Variants in TRIM36 observed in about 807,000 individuals in gnomAD.
TRIM36 encodes tripartite motif containing 36.
A neutral mutation model predicts 72.4 loss-of-function variants in TRIM36; 42 were observed. The ratio of observed to expected loss-of-function variants is 0.58; its 90% confidence interval spans 0.45 to 0.75. The LOEUF (loss-of-function observed/expected upper bound fraction) is 0.75, where lower values mean the gene tolerates loss of function less well. TRIM36 is among the 30% of genes least tolerant of loss of function. The pLI is 0.00. For synonymous variants in TRIM36, 315 were observed against 282.8 expected, an observed-to-expected ratio of 1.11 and a Z score of -1.14; for missense variants, 913 against 857.1, an observed-to-expected ratio of 1.07 and a Z score of -0.81.
chr5:115,135,234 A>T (rs1213031476), intron 7 of TRIM36, among the ~76,000 whole-genome samples: 1 of 152,198 alleles, frequency 6.6e-6, no homozygotes, highest in African/African-American at 2.4e-5. Flanking sequence ...ACACACACAC[A>T]TTTATGACAA....
chr5:115,130,919 T>C, intron 8 of TRIM36, 30 bp from the exon 9 acceptor site: 1 of 1,581,110 alleles, frequency 6.3e-7, no homozygotes, highest in Non-Finnish European at 8.6e-7. Context: ...AATATCAGGC[T>C]AAAAATTATC....
chr5:115,180,176 G>A, upstream of TRIM36: 1 of 783,628 alleles, frequency 1.3e-6, no homozygotes, highest in Non-Finnish European at 2.0e-6. Context: ...GAGGGGAAGC[G>A]CCGGGGAAAG....
intron 8 of TRIM36, among the ~76,000 whole-genome samples, chr5:115,133,549 A>G (rs1410038095): frequency 1.3e-5 from 2 of 152,228 alleles, no homozygotes; most frequent in African/African-American, 4.8e-5. Context: ...TATATATTTA[A>G]AACTTTTAAA....
chr5:115,163,754 T>C lies in TRIM36; in HGVS notation c.28-2A>G. ...CCTTTCGATATTCTTAATGGTAACC[T>C]TGAGAGTAAAATAGTCCAAGTTAAA... On this transcript the variant is annotated splice_acceptor_variant, in intron 1 of 9. Transcript: ENST00000513154. LOFTEE classifies it high-confidence loss of function. The C allele has an allele frequency of 1.2e-6, 2 of 1,613,676 alleles. No homozygotes were observed. The highest frequency in any genetic ancestry group is 1.7e-6 in the Non-Finnish European group (2 of 1,179,666).
Position 115,130,590 on chromosome 5 carries a change from A to G in TRIM36, c.1796+2T>C. On this transcript the variant is annotated splice_donor_variant, in intron 9 of 9. Transcript: ENST00000513154. LOFTEE classifies it high-confidence loss of function. ...AAGTTCTAGATCAATACAAAAACCTACCTTGGACTAACTGCATCCCGGGGA... is the reference window on the plus strand; with the variant it reads ...AAGTTCTAGATCAATACAAAAACCTGCCTTGGACTAACTGCATCCCGGGGA... The G allele has an allele frequency of 3.1e-6, 5 of 1,612,966 alleles. No homozygotes were observed. The highest frequency in any genetic ancestry group is 3.4e-6 in the Non-Finnish European group (4 of 1,179,368).
chr5:115,137,331 T>C (rs762074265), intron 6 of TRIM36, 32 bp downstream of exon 6: 11 of 1,578,770 alleles, frequency 7.0e-6, no homozygotes, highest in East Asian at 4.5e-5. Flanking sequence ...CATTGCTCAA[T>C]AGGTTCTAAA....
At chr5:115,146,643 T>A (rs576753696) in intron 3 of TRIM36, among the ~76,000 whole-genome samples, 146 of 152,356 alleles carry the variant, frequency 9.6e-4, no homozygotes, top group African/African-American at 3.4e-3. Flanking sequence ...ATTACTTTTA[T>A]TCATTGTACA....
intron 1 of TRIM36, among the ~76,000 whole-genome samples, chr5:115,179,590 C>T (rs934931278): frequency 4.7e-4 from 72 of 152,288 alleles, no homozygotes; most frequent in African/African-American, 1.6e-3. Flanking sequence ...CCCAGGCAGG[C>T]GAGGTCACCC....
At chr5:115,177,006 C>T (rs1755369210) in intron 1 of TRIM36, 1 of 152,218 alleles carries the variant, frequency 6.6e-6, no homozygotes, top group Admixed American at 6.5e-5. Flanking sequence ...AAGTAGCCAT[C>T]ACAATAGAGT....
intron 2 of TRIM36, among the ~76,000 whole-genome samples, chr5:115,154,282 A>G (rs538723987): frequency 6.6e-6 from 1 of 152,218 alleles, no homozygotes; most frequent in Admixed American, 6.5e-5. Context: ...AGAAACCAGA[A>G]AAGCAAGAAC....
intron 4 of TRIM36, 41 bp from the exon 5 acceptor site, chr5:115,141,415 G>C (rs746044501): frequency 8.3e-6 from 12 of 1,438,782 alleles, no homozygotes; most frequent in African/African-American, 1.4e-5. Flanking sequence ...CAAAACGGGA[G>C]TTTAGCAAAG....
rs574260813 is a variant in TRIM36, at chr5:115,145,818, G to C, written c.589-1074C>G. 4.6e-5 allele frequency among the ~76,000 whole-genome samples: 7 copies of C among 152,310 alleles called. No homozygotes were observed. In the South Asian group the frequency reaches 1.5e-3, roughly 32 times the overall value. On this transcript the variant is annotated intron_variant, in intron 3 of 9. Transcript: ENST00000513154. ...GTTTCAAGTTTTTCAGCATGTCCAA[G>C]TTTCTACATCCCCAAAGCCATTACA...
At position 115,169,517 on chromosome 5, in the gene TRIM36, G is replaced by A. The variant is rs1037145422; in HGVS notation, c.27+91C>T. 5.6e-4 allele frequency: 772 copies of A among 1,368,420 alleles called. 6 individuals are homozygous for A. The highest frequency in any genetic ancestry group is 1.1e-4 in the Non-Finnish European group (116 of 1,017,034). 84.8% of individuals were successfully genotyped at this position (1,368,420 alleles called of 1,614,324 possible). A position where few individuals can be genotyped will look rare whatever the true frequency, so the allele number is the denominator to read the frequency against. On this transcript the variant is annotated intron_variant, in intron 1 of 9. Transcript: ENST00000513154. ...CCTGCCTTTGCTCTCCCGGGAGGAG[G>A]CTCCCTCCGGGCTCCCGGCGGAGGA... is the stretch of plus-strand genomic sequence containing the variant.
chr5:115,171,106 G>A (rs1251497920), upstream of TRIM36: 2 of 1,614,224 alleles, frequency 1.2e-6, no homozygotes, highest in East Asian at 2.2e-5. Flanking sequence ...ATCTCGTTTA[G>A]GTTTTAAAAT....
At chr5:115,165,841 T>A (rs915309216) in intron 1 of TRIM36, among the ~76,000 whole-genome samples, 3 of 152,114 alleles carry the variant, frequency 2.0e-5, no homozygotes, top group Non-Finnish European at 2.9e-5. Flanking sequence ...CTGCTCCTAC[T>A]GCTTGGCCTC....
chr5:115,139,835 C>A (rs80139232), intron 5 of TRIM36, among the ~76,000 whole-genome samples: 2 of 152,310 alleles, frequency 1.3e-5, no homozygotes, highest in East Asian at 3.9e-4. Flanking sequence ...TCAGTGTCTA[C>A]ATGAATACTT....
At chr5:115,155,940 A>C (rs1316830677) in intron 2 of TRIM36, among the ~76,000 whole-genome samples, 3 of 152,184 alleles carry the variant, frequency 2.0e-5, no homozygotes, top group Non-Finnish European at 4.4e-5. Context: ...AAAACAGATA[A>C]AAAAATTCAG....
intron 7 of TRIM36, among the ~76,000 whole-genome samples, chr5:115,135,363 G>T (rs1442166475): frequency 2.0e-5 from 3 of 151,642 alleles, no homozygotes; most frequent in African/African-American, 7.3e-5. Context: ...GCCATAATGA[G>T]ATCTGGAAAG....
At chr5:115,157,943 T>G (rs1434222698) in intron 2 of TRIM36, among the ~76,000 whole-genome samples, 1 of 152,026 alleles carries the variant, frequency 6.6e-6, no homozygotes. Context: ...AATAACACAA[T>G]GGACTCTGGG....
Sources: allele counts gnomAD v4.1 joint callset (sites outside exome capture counted in the v4.1 genomes callset), GRCh38; gene constraint gnomAD v4.1.1; transcripts MANE v1.5; gene names NCBI Gene and HGNC (gene_info 2026-07-23, HGNC 2026-07-21).